The following PAPPA2 variants were observed in gnomAD, a reference collection of about 807,000 sequenced individuals.
The protein encoded by PAPPA2 is pappalysin-2.
PAPPA2 carries 86 observed loss-of-function variants against 176.4 expected under a neutral mutation model. The ratio of observed to expected loss-of-function variants is 0.49; its 90% CI spans 0.41 to 0.58. The LOEUF (loss-of-function observed/expected upper bound fraction) is 0.58, where lower values mean the gene tolerates loss of function less well. Ranked by LOEUF, PAPPA2 falls within the 20% of genes least tolerant of loss-of-function variation. PAPPA2 has a pLI of 0.00. For missense variants in PAPPA2, 2,073 were observed against 2,256.9 expected, an observed-to-expected ratio of 0.92 and a Z score of 1.65; for synonymous variants, 809 against 852.2, an observed-to-expected ratio of 0.95 and a Z score of 0.88.
intron 4 of PAPPA2, among the ~76,000 whole-genome samples, chr1:176,689,743 T>C (rs1324796026): frequency 1.3e-5 from 2 of 152,130 alleles, no homozygotes; most frequent in African/African-American, 4.8e-5. Context: ...CTAGGAAGTT[T>C]TTAAAAATGT....
At chr1:176,625,534 T>A (rs2102700320) in intron 3 of PAPPA2, among the ~76,000 whole-genome samples, 1 of 152,320 alleles carries the variant, frequency 6.6e-6, no homozygotes, top group East Asian at 1.9e-4. Context: ...TGTTGCACTA[T>A]CTACCATTAG....
At chr1:176,812,662 A>C (rs993910230) in intron 21 of PAPPA2, among the ~76,000 whole-genome samples, 2 of 152,196 alleles carry the variant, frequency 1.3e-5, no homozygotes, top group Non-Finnish European at 2.9e-5. Flanking sequence ...AACCATTTCC[A>C]ATTCATTCTA....
In PAPPA2 at chr1:176,578,674, G is replaced by A. The variant is rs181246964; in HGVS notation, c.920-15850G>A. Among the ~76,000 whole-genome samples, 32 of 152,256 alleles carry A rather than the reference G, an allele frequency of 2.1e-4. No homozygotes were observed. The East Asian group carries it at 5.8e-3, about 28-fold the overall frequency. On this transcript the variant is annotated intron_variant, in intron 2 of 22. Transcript: ENST00000367662. Reference sequence around the variant, plus strand: ...TAGTCAAGGAAGACTTCATAGACAGGATGAAACTTAAGGTAAGTTTTGAAG... The same window carrying A: ...TAGTCAAGGAAGACTTCATAGACAGAATGAAACTTAAGGTAAGTTTTGAAG...
intron 14 of PAPPA2, among the ~76,000 whole-genome samples, chr1:176,752,342 TAAA>T (rs58591760): frequency 0.12 from 11,363 of 96,578 alleles, 242 homozygotes; most frequent in South Asian, 0.22. Context: ...TAGAGTATAA[TAAA>T]AAAAAAAAAA....
chr1:176,717,169 T>C (rs1428441783), intron 12 of PAPPA2, among the ~76,000 whole-genome samples: 2 of 152,116 alleles, frequency 1.3e-5, no homozygotes, highest in South Asian at 2.1e-4. Context: ...AGAAGATCAG[T>C]AGGACTTGTT....
chr1:176,670,415 C>A (rs1316146959), intron 3 of PAPPA2, among the ~76,000 whole-genome samples: 1 of 152,152 alleles, frequency 6.6e-6, no homozygotes, highest in East Asian at 1.9e-4. Context: ...TTATGCCTTG[C>A]AGTAGCTTTA....
At chr1:176,533,848 A>T (rs751267390) in intron 1 of PAPPA2, among the ~76,000 whole-genome samples, 11 of 152,222 alleles carry the variant, frequency 7.2e-5, no homozygotes, top group Non-Finnish European at 1.3e-4. Flanking sequence ...ATGCTGTCCA[A>T]CAGAGCAGCC....
intron 3 of PAPPA2, among the ~76,000 whole-genome samples, chr1:176,666,559 ATATGTGTGTG>A (rs1558506167): frequency 5.7e-5 from 7 of 123,260 alleles, no homozygotes; most frequent in South Asian, 2.8e-4. Context: ...AAGTAAATAT[ATATGTGTGTG>A]TGTGTGTGTG....
At chr1:176,528,428 C>A (rs1347094764) in intron 1 of PAPPA2, among the ~76,000 whole-genome samples, 1 of 152,184 alleles carries the variant, frequency 6.6e-6, no homozygotes, top group African/African-American at 2.4e-5. Flanking sequence ...AGGAGGTGAG[C>A]AAATTCATAT....
intron 9 of PAPPA2, among the ~76,000 whole-genome samples, chr1:176,703,735 G>T (rs1039772258): frequency 3.3e-5 from 5 of 152,058 alleles, no homozygotes; most frequent in African/African-American, 1.2e-4. Flanking sequence ...TCTATTCCTT[G>T]TCATAGAAGT....
chr1:176,489,575 G>A (rs1342588798), intron 1 of PAPPA2, among the ~76,000 whole-genome samples: 1 of 152,174 alleles, frequency 6.6e-6, no homozygotes, highest in Non-Finnish European at 1.5e-5. Flanking sequence ...GGCAGCTACT[G>A]CAGATTTGGG....
intron 3 of PAPPA2, among the ~76,000 whole-genome samples, chr1:176,658,071 T>C (rs368963888): frequency 1.3e-4 from 20 of 152,134 alleles, no homozygotes; most frequent in African/African-American, 4.8e-4. Context: ...GGGATCTTTG[T>C]CCAGCTAATG....
chr1:176,703,432 C>T (rs2102824142), intron 9 of PAPPA2, among the ~76,000 whole-genome samples: 1 of 152,310 alleles, frequency 6.6e-6, no homozygotes, highest in African/African-American at 2.4e-5. Context: ...CCAGGAAATC[C>T]TGGACAGTTG....
chr1:176,797,937 A>G (rs1665518421), intron 20 of PAPPA2, among the ~76,000 whole-genome samples: 1 of 152,222 alleles, frequency 6.6e-6, no homozygotes, highest in Non-Finnish European at 1.5e-5. Context: ...CGATATCATA[A>G]TTAGTGGCTG....
intron 20 of PAPPA2, 128 bp from the exon 21 acceptor site, chr1:176,799,933 G>A: frequency 1.1e-6 from 1 of 896,652 alleles, no homozygotes; most frequent in Non-Finnish European, 1.8e-6. Context: ...CACTTTATGG[G>A]ACACAATTAG....
At chr1:176,705,318 C>T (rs1660831741) in intron 9 of PAPPA2, among the ~76,000 whole-genome samples, 1 of 152,136 alleles carries the variant, frequency 6.6e-6, no homozygotes, top group African/African-American at 2.4e-5. Context: ...AATATGATTA[C>T]TATATCACTG....
chr1:176,840,292 A>T lies in PAPPA2; in HGVS notation c.5301+21A>T, dbSNP rs1408392603. 3.2e-6 allele frequency: 5 copies of T among 1,583,208 alleles called. No homozygotes were observed. In the Admixed American group the frequency reaches 5.0e-5, roughly 16 times the overall value. On this transcript the variant is annotated intron_variant, in intron 22 of 22. Transcript: ENST00000367662. ...AGAAGGTGAGTGAGAGAACCTGGGGATGGGGGAGGCAGTGGCTTCAGGAAT... is the reference window on the plus strand; with the variant it reads ...AGAAGGTGAGTGAGAGAACCTGGGGTTGGGGGAGGCAGTGGCTTCAGGAAT...
intron 17 of PAPPA2, among the ~76,000 whole-genome samples, chr1:176,784,661 A>C (rs1664855356): frequency 6.6e-6 from 1 of 150,414 alleles, no homozygotes; most frequent in Non-Finnish European, 1.5e-5. Flanking sequence ...ATTTCAGCTC[A>C]CTACAACCTC....
At chr1:176,555,175 G>A (rs1367391735) in intron 1 of PAPPA2, among the ~76,000 whole-genome samples, 1 of 152,156 alleles carries the variant, frequency 6.6e-6, no homozygotes, top group East Asian at 1.9e-4. Flanking sequence ...AGGTGGGTAG[G>A]TTTTCAGGAG....
Sources: allele counts gnomAD v4.1 joint callset (sites outside exome capture counted in the v4.1 genomes callset), GRCh38; gene constraint gnomAD v4.1.1; transcripts MANE v1.5; gene names NCBI Gene and HGNC (gene_info 2026-07-23, HGNC 2026-07-21).